The following RLIM variants were observed in gnomAD, a reference collection of about 807,000 sequenced individuals.
The protein encoded by RLIM is E3 ubiquitin-protein ligase RLIM.
RLIM carries 2 observed loss-of-function variants against 34.0 expected under a neutral mutation model. The observed-to-expected ratio is 0.06, with a 90% confidence interval of 0.02 to 0.19. The LOEUF (loss-of-function observed/expected upper bound fraction) is 0.19, where lower values mean the gene tolerates loss of function less well. Ranked by LOEUF, RLIM falls within the 10% of genes least tolerant of loss-of-function variation. RLIM has a pLI of 1.00. For missense variants in RLIM, 286 were observed against 479.7 expected, an observed-to-expected ratio of 0.60 and a Z score of 3.77; for synonymous variants, 169 against 164.0, an observed-to-expected ratio of 1.03 and a Z score of -0.23.
At chrX:74,613,305 C>A (rs1323907669) in intron 1 of RLIM, among the ~76,000 whole-genome samples, 1 of 110,883 alleles carries the variant, frequency 9.0e-6, no homozygotes, top group Non-Finnish European at 1.9e-5. Flanking sequence ...TCAGGAAATG[C>A]GGGCTCCTTA....
At chrX:74,612,101 G>C (rs1200357854) in intron 1 of RLIM, among the ~76,000 whole-genome samples, 1 of 111,707 alleles carries the variant, frequency 9.0e-6, no homozygotes, top group Non-Finnish European at 1.9e-5. Flanking sequence ...AATGAAAGGA[G>C]TCAATATCAA....
chrX:74,613,778 G>A (rs1369368297), intron 1 of RLIM, among the ~76,000 whole-genome samples: 1 of 109,537 alleles, frequency 9.1e-6, no homozygotes, highest in Non-Finnish European at 1.9e-5. Context: ...TCTTTTGCGG[G>A]GGGATCCTTC....
rs1009222749 is a variant in RLIM at position 74,586,922 on chromosome X, C to A, written c.*4518G>T. On this transcript the variant is annotated 3_prime_UTR_variant, in exon 4 of 4. Coordinates refer to ENST00000332687, the MANE Select transcript of RLIM (RefSeq NM_016120.4). ...CAGCCTGGACAACATGGCGAAACCC[C>A]ATCTCCACAAAAAATTAGCCAGGCA... is the stretch of plus-strand genomic sequence containing the variant. 1 of 110,523 alleles carries A rather than the reference C, an allele frequency of 9.0e-6. No individual in the cohort carries two copies. Among genetic ancestry groups the A allele is most frequent in the African/African-American group, 3.3e-5 (1 of 30,390 alleles). 9.1% of individuals were successfully genotyped at this position (110,523 alleles called of 1,213,427 possible).
intron 1 of RLIM, among the ~76,000 whole-genome samples, chrX:74,604,969 C>G (rs1450798392): frequency 9.0e-6 from 1 of 110,865 alleles, no homozygotes; most frequent in African/African-American, 3.3e-5. Flanking sequence ...TCCTGCAACA[C>G]ACTTATTTCA....
In RLIM at chrX:74,589,540, CAAGTT is replaced by C. The variant is rs1401732845; in HGVS notation, c.*1895_*1899del. 1.2e-4 allele frequency: 13 copies of C among 112,255 alleles called. No homozygotes were observed. Among genetic ancestry groups the C allele is most frequent in the Non-Finnish European group, 2.4e-4 (13 of 53,219 alleles). The allele number at this position is 112,255 out of a possible 1,213,427, so 9.3% of individuals were successfully genotyped here. The stretch of plus-strand genomic sequence containing the variant: ...CCTTAGTAAACAACTACCATATTTA[CAAGTT>C]AATTTCCTTGATACTTAGATAGGAT... On this transcript the variant is annotated 3_prime_UTR_variant, in exon 4 of 4. Coordinates refer to ENST00000332687, the MANE Select transcript of RLIM (RefSeq NM_016120.4).
chrX:74,591,266 C>T lies in RLIM; in HGVS notation c.*174G>A. 1 of 446,769 alleles carries T rather than the reference C, an allele frequency of 2.2e-6. No homozygotes were observed. Among genetic ancestry groups the T allele is most frequent in the Non-Finnish European group, 3.8e-6 (1 of 264,034 alleles). The allele number at this position is 446,769 out of a possible 1,213,427, so 36.8% of individuals were successfully genotyped here. A position where few individuals can be genotyped will look rare whatever the true frequency, so the allele number is the denominator to read the frequency against. ...CTATAACGTGGCTTTTAAAATATTTCCTTTTATTCTGGAACAAAAACTGGA... is the reference window on the plus strand; with the variant it reads ...CTATAACGTGGCTTTTAAAATATTTTCTTTTATTCTGGAACAAAAACTGGA... On this transcript the variant is annotated 3_prime_UTR_variant, in exon 4 of 4. Coordinates refer to ENST00000332687, the MANE Select transcript of RLIM (RefSeq NM_016120.4).
chrX:74,612,186 G>A (rs777933655), intron 1 of RLIM, among the ~76,000 whole-genome samples: 230 of 111,962 alleles, frequency 2.1e-3, no homozygotes, highest in African/African-American at 7.2e-3. Flanking sequence ...ACAAAGTAAC[G>A]TAAAATTATA....
At chrX:74,610,848 C>A (rs953346082) in intron 1 of RLIM, among the ~76,000 whole-genome samples, 1 of 109,166 alleles carries the variant, frequency 9.2e-6, no homozygotes, top group African/African-American at 3.4e-5. Flanking sequence ...CGAGAGTGCA[C>A]CACTGCATTC....
At position 74,614,169 on chromosome X, in the gene RLIM, C is replaced by A. The variant is rs550556307; in HGVS notation, c.-24+253G>T. On this transcript the variant is annotated intron_variant, in intron 1 of 3. Transcript: ENST00000332687. ...CGGAGGGCCTGGGCTGCAGCTCGCG[C>A]GGCCACCGAGAGGAAGTACTACCCA... Among the ~76,000 whole-genome samples, 6 of 109,967 alleles carry A rather than the reference C, an allele frequency of 5.5e-5. No individual in the cohort carries two copies. In the South Asian group the frequency reaches 2.4e-3, roughly 44 times the overall value.
In RLIM at chrX:74,592,131, C is replaced by T; in HGVS notation, c.1184G>A (p.Ser395Asn). Residue 395 changes from serine to asparagine, a missense_variant, in exon 4 of 4, where the codon AGT becomes AAT. Transcript: ENST00000332687. ...CTGAATTGCAACAGATGTAGTCTCA[C>T]TTAAACCAGTATTTAAGATTCTACG... ...PIRRILNTGLSETTSVAIQTM... is the reference protein window; with the variant it reads ...PIRRILNTGLNETTSVAIQTM... The T allele has an allele frequency of 8.3e-7, 1 of 1,211,972 alleles. No homozygotes were observed. Among genetic ancestry groups the T allele is most frequent in the Non-Finnish European group, 1.1e-6 (1 of 895,536 alleles).
At chrX:74,609,487 C>CAA (rs752008137) in intron 1 of RLIM, among the ~76,000 whole-genome samples, 1,869 of 32,565 alleles carry the variant, frequency 0.057, 181 homozygotes, top group African/African-American at 0.11. Context: ...GACTCCGTTT[C>CAA]AAAAAAAAAA....
chrX:74,607,091 C>G (rs2079685532), intron 1 of RLIM, among the ~76,000 whole-genome samples: 1 of 103,900 alleles, frequency 9.6e-6, no homozygotes, highest in Non-Finnish European at 1.9e-5. Flanking sequence ...GCAGTGAACT[C>G]AGATCACGTC....
chrX:74,586,447 TAATA>T lies in RLIM; in HGVS notation c.*4989_*4992del, dbSNP rs1190531678. ...GACCATAAAGCAGCTCGTGGAACTT[TAATA>T]AACAAATCCTAATAAAAATAAATAA... On this transcript the variant is annotated 3_prime_UTR_variant, in exon 4 of 4. Coordinates refer to ENST00000332687, the MANE Select transcript of RLIM (RefSeq NM_016120.4). The T allele has an allele frequency of 8.9e-6, 1 of 112,391 alleles. No homozygotes were observed. The highest frequency in any genetic ancestry group is 3.2e-5 in the African/African-American group (1 of 30,915). 9.3% of individuals were successfully genotyped at this position (112,391 alleles called of 1,213,427 possible). A position where few individuals can be genotyped will look rare whatever the true frequency, so the allele number is the denominator to read the frequency against.
In RLIM at chrX:74,584,712, G is replaced by GACCACAGCTGTGT. The variant is rs1252904004; in HGVS notation, c.*6715_*6727dup. 1.8e-5 allele frequency among the ~76,000 whole-genome samples: 2 copies of GACCACAGCTGTGT among 111,322 alleles called. No individual in the cohort carries two copies. Among genetic ancestry groups the GACCACAGCTGTGT allele is most frequent in the African/African-American group, 6.5e-5 (2 of 30,538 alleles). On this transcript the variant is annotated 3_prime_UTR_variant, in exon 4 of 4. Coordinates refer to ENST00000332687, the MANE Select transcript of RLIM (RefSeq NM_016120.4). ...CCACCTCAGCCTCCCAAGTAGCTGGGACCACAGCTGTGTACCACCACACCT... is the reference window on the plus strand; with the variant it reads ...CCACCTCAGCCTCCCAAGTAGCTGGGACCACAGCTGTGTACCACAGCTGTGTACCACCACACCT...
Position 74,591,920 on chromosome X carries a change from C to CTG in RLIM, c.1394_1395insCA (p.Ser466ArgfsTer73), listed in dbSNP as rs2079617189. 4 of 1,198,362 alleles carry CTG rather than the reference C, an allele frequency of 3.3e-6. No individual in the cohort carries two copies. In the African/African-American group the frequency reaches 5.4e-5, roughly 16 times the overall value. On this transcript the variant is annotated frameshift_variant, in exon 4 of 4. Coordinates refer to ENST00000332687, the MANE Select transcript of RLIM (RefSeq NM_016120.4). LOFTEE classifies it high-confidence loss of function. ...TGGAACTTGAACTGGAACTGGAACT[C>CTG]GAACTGGAACTGGAACTCGAACTGG...
intron 1 of RLIM, among the ~76,000 whole-genome samples, chrX:74,597,444 T>C (rs752745567): frequency 8.9e-6 from 1 of 112,024 alleles, no homozygotes; most frequent in South Asian, 3.7e-4. Context: ...TGTTGATTAT[T>C]CAAGGAGTTT....
Position 74,584,924 on chromosome X carries a change from A to G in RLIM, c.*6516T>C, listed in dbSNP as rs770973421. Reference sequence around the variant, plus strand: ...GACTACATCAAAACTATCCTGAGAAACCGAGTTATGATGCCAATGACAGAT... The same window carrying G: ...GACTACATCAAAACTATCCTGAGAAGCCGAGTTATGATGCCAATGACAGAT... On this transcript the variant is annotated 3_prime_UTR_variant, in exon 4 of 4. Transcript: ENST00000332687. Among the ~76,000 whole-genome samples, 1 of 112,200 alleles carries G rather than the reference A, an allele frequency of 8.9e-6. No individual in the cohort carries two copies. The highest frequency in any genetic ancestry group is 3.7e-4 in the South Asian group (1 of 2,704).
intron 3 of RLIM, among the ~76,000 whole-genome samples, chrX:74,593,835 TG>T (rs1410193323): frequency 8.9e-6 from 1 of 112,405 alleles, no homozygotes; most frequent in African/African-American, 3.2e-5. Context: ...TTCTGTGTCA[TG>T]GGGGCTGTGT....
At chrX:74,604,078 G>A (rs2079672568) in intron 1 of RLIM, among the ~76,000 whole-genome samples, 1 of 105,654 alleles carries the variant, frequency 9.5e-6, no homozygotes, top group Non-Finnish European at 1.9e-5. Flanking sequence ...TCAAGCCACT[G>A]CACTCCAGCC....
Sources: allele counts gnomAD v4.1 joint callset (sites outside exome capture counted in the v4.1 genomes callset), GRCh38; gene constraint gnomAD v4.1.1; transcripts MANE v1.5; gene names NCBI Gene and HGNC (gene_info 2026-07-23, HGNC 2026-07-21).